Variants in PBX1 observed in about 807,000 individuals in gnomAD.
PBX1 encodes the protein pre-B-cell leukemia transcription factor 1.
In PBX1, 6 loss-of-function variants were observed where a neutral mutation model predicts 53.4. That is an observed-to-expected ratio of 0.11 (90% CI 0.06 to 0.22). PBX1 has a LOEUF of 0.22. PBX1 is among the 10% of genes least tolerant of loss of function. The probability of loss-of-function intolerance (pLI) is 1.00; values close to 1 mark genes in which losing one functional copy is unlikely to be tolerated. For synonymous variants in PBX1, 204 were observed against 212.3 expected, an observed-to-expected ratio of 0.96 and a Z score of 0.34; for missense variants, 251 against 551.4, an observed-to-expected ratio of 0.46 and a Z score of 5.46.
intron 2 of PBX1, among the ~76,000 whole-genome samples, chr1:164,765,223 T>G (rs1190235211): frequency 6.6e-6 from 1 of 152,174 alleles, no homozygotes; most frequent in South Asian, 2.1e-4. Context: ...TTCCATGATT[T>G]TTGTCTCTGC....
At chr1:164,755,481 A>G (rs1380184835) in intron 2 of PBX1, among the ~76,000 whole-genome samples, 1 of 152,140 alleles carries the variant, frequency 6.6e-6, no homozygotes, top group East Asian at 1.9e-4. Flanking sequence ...AAATGTACTT[A>G]TGTATACATA....
intron 2 of PBX1, among the ~76,000 whole-genome samples, chr1:164,873,047 T>C (rs1051565438): frequency 2.6e-5 from 4 of 152,222 alleles, no homozygotes; most frequent in Admixed American, 1.3e-4. Flanking sequence ...GTTATAATCC[T>C]CATTTTATAT....
intron 2 of PBX1, among the ~76,000 whole-genome samples, chr1:164,697,857 G>A (rs1185602662): frequency 6.6e-6 from 1 of 152,180 alleles, no homozygotes; most frequent in Non-Finnish European, 1.5e-5. Context: ...TTGCCTCAGT[G>A]GTTTAGATTG....
chr1:164,618,852 C>T (rs147331356), intron 2 of PBX1, among the ~76,000 whole-genome samples: 1 of 152,296 alleles, frequency 6.6e-6, no homozygotes, highest in African/African-American at 2.4e-5. Flanking sequence ...CCCTGATTAG[C>T]CCTCTATATG....
chr1:164,717,014 C>T (rs74785511), intron 2 of PBX1, among the ~76,000 whole-genome samples: 5,749 of 152,024 alleles, frequency 0.038, 193 homozygotes, highest in East Asian at 0.16. Flanking sequence ...AAAATGGGCA[C>T]GGTTGAAGTC....
intron 2 of PBX1, among the ~76,000 whole-genome samples, chr1:164,567,896 G>A (rs35582103): frequency 0.033 from 5,028 of 152,228 alleles, 112 homozygotes; most frequent in Non-Finnish European, 0.05. Flanking sequence ...ATTTATAAGC[G>A]GGGAAACATA....
intron 2 of PBX1, chr1:164,641,174 T>C (rs1159297021): frequency 6.5e-6 from 1 of 153,272 alleles, no homozygotes; most frequent in African/African-American, 2.4e-5. Context: ...TCACATTCCA[T>C]GGCCATGTGC....
intron 2 of PBX1, chr1:164,682,169 A>C (rs1430868713): frequency 6.6e-6 from 1 of 152,252 alleles, no homozygotes; most frequent in East Asian, 1.9e-4. Flanking sequence ...AATGTTTTAC[A>C]TCTGATGGAA....
chr1:164,834,029 A>ATGTGTGTGCGTGTG, intron 8 of PBX1, among the ~76,000 whole-genome samples: 1 of 128,286 alleles, frequency 7.8e-6, no homozygotes, highest in African/African-American at 2.9e-5. Flanking sequence ...ATATATGTAT[A>ATGTGTGTGCGTGTG]TGTGTGTGTG....
intron 2 of PBX1, among the ~76,000 whole-genome samples, chr1:164,786,181 T>C (rs1026866114): frequency 1.3e-5 from 2 of 152,216 alleles, no homozygotes; most frequent in African/African-American, 4.8e-5. Context: ...AGCCCGTATC[T>C]TCCCTCCTTG....
intron 6 of PBX1, chr1:164,816,152 C>G (rs1022271225): frequency 6.6e-6 from 1 of 151,996 alleles, no homozygotes; most frequent in African/African-American, 2.4e-5. Context: ...ACAATTTGTC[C>G]TGGAATTGGA....
intron 2 of PBX1, among the ~76,000 whole-genome samples, chr1:164,575,816 A>G (rs1654184681): frequency 6.6e-6 from 1 of 151,782 alleles, no homozygotes; most frequent in Non-Finnish European, 1.5e-5. Flanking sequence ...TCCTTTGTGC[A>G]TCCTCCTTAC....
chr1:164,875,717 C>A (rs1206663214), intron 2 of PBX1, among the ~76,000 whole-genome samples: 1 of 152,056 alleles, frequency 6.6e-6, no homozygotes. Flanking sequence ...CAGGAGCTGG[C>A]AGCCAACCAC....
chr1:164,755,232 C>A (rs1039755020), intron 2 of PBX1, among the ~76,000 whole-genome samples: 1 of 152,150 alleles, frequency 6.6e-6, no homozygotes, highest in African/African-American at 2.4e-5. Flanking sequence ...ACAATCTTGA[C>A]CTCCGCCTCC....
chr1:164,791,833 G>T (rs1430890645), intron 2 of PBX1, among the ~76,000 whole-genome samples: 3 of 151,662 alleles, frequency 2.0e-5, no homozygotes, highest in Non-Finnish European at 4.4e-5. Flanking sequence ...CTTTTTGGGG[G>T]GTGGGGGTGT....
At chr1:164,590,323 T>C (rs1407825016) in intron 2 of PBX1, 3 of 455,818 alleles carry the variant, frequency 6.6e-6, no homozygotes, top group South Asian at 4.6e-5. Context: ...CCCAGCCTCA[T>C]TAGGAGCTAC....
chr1:164,780,396 TC>T (rs1367609710), intron 2 of PBX1, among the ~76,000 whole-genome samples: 3 of 152,142 alleles, frequency 2.0e-5, no homozygotes, highest in Non-Finnish European at 2.9e-5. Context: ...CTTTAAAATG[TC>T]CCCCTGGAAA....
rs552556960 is a variant in PBX1, at chr1:164,874,309, G to A, written n.258-24879G>A. On this transcript the variant is annotated intron_variant and non_coding_transcript_variant, in intron 2 of 2. Transcript: ENST00000558796. ...CCATCCATCAATGAGACTTCGCTTC[G>A]CCATTTCTCTCTGCTGTGAGATCCT... 2.6e-5 allele frequency among the ~76,000 whole-genome samples: 4 copies of A among 152,186 alleles called. No homozygotes were observed. In the East Asian group the frequency reaches 5.8e-4, roughly 22 times the overall value.
At chr1:164,687,107 A>G (rs1662150817) in intron 2 of PBX1, among the ~76,000 whole-genome samples, 1 of 152,230 alleles carries the variant, frequency 6.6e-6, no homozygotes, top group African/African-American at 2.4e-5. Flanking sequence ...GACAACAGCC[A>G]TAGTTCTGGA....
Sources: allele counts gnomAD v4.1 joint callset (sites outside exome capture counted in the v4.1 genomes callset), GRCh38; gene constraint gnomAD v4.1.1; transcripts MANE v1.5; gene names NCBI Gene and HGNC (gene_info 2026-07-23, HGNC 2026-07-21).